Variants in KRT40 observed in about 807,000 individuals in gnomAD.
The protein encoded by KRT40 is keratin, type I cytoskeletal 40.
Under a neutral mutation model 43.5 loss-of-function variants are expected in KRT40, and 47 were observed. The observed-to-expected ratio is 1.08, with a 90% CI of 0.86 to 1.38. The LOEUF is 1.38. Ranked by LOEUF, KRT40 falls within the 40% of genes most tolerant of loss-of-function variation. KRT40 has a pLI of 0.00. For synonymous variants in KRT40, 212 were observed against 214.0 expected (o/e 0.99, Z 0.08); for missense variants, 573 against 523.6 (o/e 1.09, Z -0.92).
At chr17:40,978,615 C>T (rs910398606) in intron 6 of KRT40, among the ~76,000 whole-genome samples, 189 bp downstream of exon 6, 5 of 148,118 alleles carry the variant, frequency 3.4e-5, no homozygotes, top group African/African-American at 1.3e-4. Flanking sequence ...AATTAATCTG[C>T]CTTTAGAATA....
rs754674327 is a variant in KRT40 at position 40,983,113 on chromosome 17, C to T, written c.463G>A (p.Ala155Thr). The T allele has an allele frequency of 3.4e-6, 5 of 1,491,602 alleles. No individual in the cohort carries two copies. Among genetic ancestry groups the T allele is most frequent in the Admixed American group, 1.7e-5 (1 of 58,726 alleles). The allele number at this position is 1,491,602 out of a possible 1,614,324, so 92.4% of individuals were successfully genotyped here. A position where few individuals can be genotyped will look rare whatever the true frequency, so the allele number is the denominator to read the frequency against. ...DLQQKILCTK[A>T]ENSRLAVQLD... is the part of the protein sequence containing the mutation. ...TGTACAGCAAGTCTAGAATTCTCTG[C>T]TTTCGTGCATAAGATCTGGGAAGCA... Residue 155 changes from alanine (A) to threonine (T), a missense_variant, in exon 2 of 7, where the codon GCA becomes ACA. Physicochemically the swap from Ala to Thr is moderately conservative, Grantham distance 58. Transcript: ENST00000377755.
upstream of KRT40, chr17:40,984,401 A>T (rs992924579): frequency 1.5e-6 from 1 of 665,436 alleles, no homozygotes; most frequent in African/African-American, 1.8e-5. Flanking sequence ...TGTTTTCTTT[A>T]TCACTGATGG....
At chr17:40,982,277 G>C (rs1256856598) in intron 3 of KRT40, 30 bp downstream of exon 3, 3 of 1,503,006 alleles carry the variant, frequency 2.0e-6, no homozygotes, top group Non-Finnish European at 2.7e-6. Context: ...TACTCTCGGA[G>C]TCCTTCAGCG....
chr17:40,980,694 G>A (rs1194572746), intron 5 of KRT40, 91 bp downstream of exon 5: 2 of 1,472,978 alleles, frequency 1.4e-6, no homozygotes, highest in African/African-American at 2.8e-5. Flanking sequence ...GGAAAGGCAA[G>A]GAAATGTGAT....
intron 5 of KRT40, among the ~76,000 whole-genome samples, chr17:40,979,540 G>C (rs1019948819): frequency 2.0e-5 from 3 of 151,238 alleles, no homozygotes; most frequent in Non-Finnish European, 4.4e-5. Flanking sequence ...AAAGCATTTA[G>C]AACAGTGCCA....
At position 40,982,460 on chromosome 17, in the gene KRT40, G is replaced by T. The variant is rs4243257; in HGVS notation, c.534C>A (p.Tyr178Ter). Residue 178 changes from tyrosine to a stop codon, truncating the protein, a stop_gained, in exon 3 of 7, where the codon TAC (tyrosine) becomes TAA (stop). Coordinates refer to ENST00000377755, the MANE Select transcript of KRT40 (RefSeq NM_001389244.1). LOFTEE classifies it high-confidence loss of function. ...GCTGGCGAAGGGACAGTTCACTCTC[G>T]TACCTTTCACAGCAAAAGAGAAATC... ...KLATDDFKSKYESELSLRQLL... is the reference protein window; with the variant it reads ...KLATDDFKSK The T allele has an allele frequency of 6.4e-7, 1 of 1,566,994 alleles. No individual in the cohort carries two copies. The highest frequency in any genetic ancestry group is 8.6e-7 in the Non-Finnish European group (1 of 1,159,944).
At position 40,983,026 on chromosome 17, in the gene KRT40, TA is replaced by T; in HGVS notation, c.530+19del. ...TCCATCTCAAAATAAATAAATAAAA[TA>T]AAATTAAATTAAACTTACTTTGACT... On this transcript the variant is annotated intron_variant, in intron 2 of 6. Coordinates refer to ENST00000377755, the MANE Select transcript of KRT40 (RefSeq NM_001389244.1). 8.8e-6 allele frequency: 9 copies of T among 1,018,802 alleles called. No individual in the cohort carries two copies. Among genetic ancestry groups the T allele is most frequent in the South Asian group, 1.4e-5 (1 of 72,082 alleles). The allele number at this position is 1,018,802 out of a possible 1,614,324, so 63.1% of individuals were successfully genotyped here.
rs773871307 is a variant in KRT40 at position 40,984,109 on chromosome 17, C to A, written c.165G>T (p.Leu55=). The part of the protein sequence containing the change: ...TPSFLSRSRG[L]TGCLLPCYFT... ...AGTAGCATGGCAGGAGGCAACCAGT[C>A]AGCCCGCGAGACCTGGATAGGAAGC... Residue 55 remains leucine, a synonymous_variant, in exon 1 of 7, where the codon CTG becomes CTT. Transcript: ENST00000377755. 5.0e-6 allele frequency: 8 copies of A among 1,614,000 alleles called. No homozygotes were observed. The African/African-American group carries it at 8.0e-5, about 16-fold the overall frequency.
In KRT40 at chr17:40,984,210, C is replaced by A. The variant is rs753274317; in HGVS notation, c.64G>T (p.Ala22Ser). 6.2e-6 allele frequency: 10 copies of A among 1,613,968 alleles called. No individual in the cohort carries two copies. In the South Asian group the frequency reaches 1.1e-4, roughly 18 times the overall value. ...PESCGTASGC[A>S]PASSCSVETA... is the part of the protein sequence containing the mutation. ...TCCACGGAGCAGCTTGAGGCAGGTG[C>A]ACAACCGGAAGCCGTGCCACAGGAC... The change falls in exon 1 of 7, where the codon GCA becomes TCA. Residue 22 changes from alanine to serine, a missense_variant. By Grantham distance (99) the Ala-to-Ser change is moderately conservative (BLOSUM62 1). Coordinates refer to ENST00000377755, the MANE Select transcript of KRT40 (RefSeq NM_001389244.1).
At chr17:40,980,073 CTG>C (rs908003834) in intron 5 of KRT40, among the ~76,000 whole-genome samples, 1 of 152,154 alleles carries the variant, frequency 6.6e-6, no homozygotes, top group Non-Finnish European at 1.5e-5. Context: ...AGAAGAGACT[CTG>C]GGATTCAACT....
intron 3 of KRT40, among the ~76,000 whole-genome samples, chr17:40,981,566 G>C (rs1311140729): frequency 6.6e-6 from 1 of 152,046 alleles, no homozygotes; most frequent in African/African-American, 2.4e-5. Context: ...ATGATTTTTA[G>C]AAGTTTATAA....
Position 40,980,842 on chromosome 17 carries a change from C to T in KRT40, c.918G>A (p.Leu306=), listed in dbSNP as rs1310930066. The change falls in exon 5 of 7, where the codon TTG becomes TTA. Residue 306 remains leucine (L), a synonymous_variant. Coordinates refer to ENST00000377755, the MANE Select transcript of KRT40 (RefSeq NM_001389244.1). ...EQLQGCQMEI[L]ELKRTASALE... is the part of the protein sequence containing the mutation. ...GAGCACTGGCTGTGCGTTTCAGTTC[C>T]AAGATCTCCATCTGGCAGCCCTGCA... 4.3e-6 allele frequency: 7 copies of T among 1,613,162 alleles called. No homozygotes were observed. The highest frequency in any genetic ancestry group is 5.1e-6 in the Non-Finnish European group (6 of 1,179,942).
intron 1 of KRT40, among the ~76,000 whole-genome samples, chr17:40,983,616 T>C (rs1027560172): frequency 2.6e-5 from 4 of 152,210 alleles, no homozygotes; most frequent in African/African-American, 9.6e-5. Context: ...ACAGGCAAGT[T>C]ACTTTATTAT....
At chr17:40,980,360 GT>G (rs1912072343) in intron 5 of KRT40, among the ~76,000 whole-genome samples, 1 of 152,208 alleles carries the variant, frequency 6.6e-6, no homozygotes, top group South Asian at 2.1e-4. Flanking sequence ...TGTTGCTTGA[GT>G]GGGGGGTGGT....
Position 40,978,246 on chromosome 17 carries a change from T to C in KRT40, c.1247A>G (p.Glu416Gly). Residue 416 changes from glutamate (E) to glycine (G), a missense_variant, in exon 7 of 7, where the codon GAG becomes GGG. By Grantham distance (98) the Glu-to-Gly change is moderately conservative (BLOSUM62 -2). Coordinates refer to ENST00000377755, the MANE Select transcript of KRT40 (RefSeq NM_001389244.1). Reference protein sequence around the residue: ...STTCTSSNTCEPCSAYVICTV... With the variant: ...STTCTSSNTCGPCSAYVICTV... The stretch of plus-strand genomic sequence containing the variant: ...GCAGATGACATAGGCTGAGCATGGC[T>C]CACAAGTGTTGCTCGAGGTGCATGT... 1.9e-6 allele frequency: 3 copies of C among 1,614,194 alleles called. No homozygotes were observed. Among genetic ancestry groups the C allele is most frequent in the Non-Finnish European group, 2.5e-6 (3 of 1,180,028 alleles).
intron 1 of KRT40, among the ~76,000 whole-genome samples, chr17:40,983,538 C>CA (rs1912294629): frequency 6.6e-6 from 1 of 152,110 alleles, no homozygotes; most frequent in African/African-American, 2.4e-5. Flanking sequence ...TGTTCAGTGT[C>CA]ACGTACAAAA....
chr17:40,987,070 C>T (rs143613735), upstream of KRT40: 14 of 152,332 alleles, frequency 9.2e-5, no homozygotes, highest in East Asian at 2.5e-3. Flanking sequence ...GCTGAAACGT[C>T]GTTCAACTGC....
chr17:40,983,254 C>A, intron 1 of KRT40, 126 bp from the exon 2 acceptor site: 1 of 505,848 alleles, frequency 2.0e-6, no homozygotes, highest in Non-Finnish European at 3.5e-6. Context: ...TCACCCTCAG[C>A]CTGCTTTTTT....
intron 5 of KRT40, among the ~76,000 whole-genome samples, 177 bp downstream of exon 5, chr17:40,980,608 G>A (rs761637335): frequency 6.6e-6 from 1 of 152,142 alleles, no homozygotes; most frequent in Non-Finnish European, 1.5e-5. Context: ...AGGAGTGAAG[G>A]TAAGGCATCT....
Sources: allele counts gnomAD v4.1 joint callset (sites outside exome capture counted in the v4.1 genomes callset), GRCh38; gene constraint gnomAD v4.1.1; transcripts MANE v1.5; gene names NCBI Gene and HGNC (gene_info 2026-07-23, HGNC 2026-07-21).